The following GABRA5 variants were observed in gnomAD, a reference collection of about 807,000 sequenced individuals.
The protein encoded by GABRA5 is gamma-aminobutyric acid receptor subunit alpha-5.
A neutral mutation model predicts 47.3 loss-of-function variants in GABRA5; 18 were observed. The observed-to-expected ratio is 0.38, with a 90% CI of 0.26 to 0.56. The LOEUF (loss-of-function observed/expected upper bound fraction) is 0.56. GABRA5 is among the 20% of genes least tolerant of loss of function. The probability of loss-of-function intolerance (pLI) is 0.71; values close to 1 mark genes in which losing one functional copy is unlikely to be tolerated. For synonymous variants in GABRA5, 237 were observed against 229.3 expected (o/e 1.03, Z -0.30); for missense variants, 365 against 599.3 (o/e 0.61, Z 4.08).
intron 6 of GABRA5, among the ~76,000 whole-genome samples, chr15:26,913,723 A>G (rs1893653554): frequency 6.6e-6 from 1 of 152,168 alleles, no homozygotes; most frequent in South Asian, 2.1e-4. Context: ...TGGGCTCATT[A>G]ATAAAATTTA....
chr15:26,907,429 G>A (rs1270705259), intron 6 of GABRA5, among the ~76,000 whole-genome samples: 2 of 152,110 alleles, frequency 1.3e-5, no homozygotes, highest in Non-Finnish European at 2.9e-5. Context: ...CCCCATTCCT[G>A]CCCCGCAGCA....
At chr15:26,896,383 G>C (rs1037843321) in intron 6 of GABRA5, among the ~76,000 whole-genome samples, 2 of 152,124 alleles carry the variant, frequency 1.3e-5, no homozygotes, top group African/African-American at 4.8e-5. Flanking sequence ...GTCTGTGTCA[G>C]TCTCTCTCCC....
In GABRA5 at chr15:26,934,056, C is replaced by T. The variant is rs76488017; in HGVS notation, c.581-3129C>T. 0.01 allele frequency among the ~76,000 whole-genome samples: 1,523 copies of T among 151,886 alleles called. 108 individuals are homozygous for T. The East Asian group carries it at 0.18, about 18-fold the overall frequency. On this transcript the variant is annotated intron_variant, in intron 7 of 10. Transcript: ENST00000335625. Reference sequence around the variant, plus strand: ...TCGCTTGAGGCCAGGACTTCAAGACCAGCCTGGCCAACATGGCAAAACCCC... The same window carrying T: ...TCGCTTGAGGCCAGGACTTCAAGACTAGCCTGGCCAACATGGCAAAACCCC...
chr15:26,925,860 A>C (rs954137608), intron 7 of GABRA5, among the ~76,000 whole-genome samples: 3 of 152,206 alleles, frequency 2.0e-5, no homozygotes, highest in African/African-American at 4.8e-5. Flanking sequence ...TGTGGCAGGC[A>C]AGCCCTGAAA....
Position 26,883,304 on chromosome 15 carries a change from C to T in GABRA5, c.277-33C>T. 1 of 1,612,294 alleles carries T rather than the reference C, an allele frequency of 6.2e-7. No homozygotes were observed. Among genetic ancestry groups the T allele is most frequent in the Non-Finnish European group, 8.5e-7 (1 of 1,178,368 alleles). ...GCAGGCCCCCGCCCAGGCCCCGTGCCCTCTGACTGCCTCGTGCCTTCCTTT... is the reference window on the plus strand; with the variant it reads ...GCAGGCCCCCGCCCAGGCCCCGTGCTCTCTGACTGCCTCGTGCCTTCCTTT... On this transcript the variant is annotated intron_variant, in intron 5 of 10. Coordinates refer to ENST00000335625, the MANE Select transcript of GABRA5 (RefSeq NM_000810.4). This position sits in a 1 kb window ranked among gnomAD's most constrained non-coding sequence, Gnocchi z 4.8.
At chr15:26,885,367 T>C (rs896991963) in intron 6 of GABRA5, among the ~76,000 whole-genome samples, 3 of 151,984 alleles carry the variant, frequency 2.0e-5, no homozygotes, top group Non-Finnish European at 4.4e-5. Context: ...CTATCCTGTT[T>C]GAGCTTCAAA....
intron 6 of GABRA5, among the ~76,000 whole-genome samples, chr15:26,895,974 C>T (rs1365716619): frequency 6.6e-6 from 1 of 152,006 alleles, no homozygotes; most frequent in Non-Finnish European, 1.5e-5. Flanking sequence ...TGCCTCCATG[C>T]ACAGTGGTCC....
chr15:26,884,151 T>G (rs1162674699), intron 6 of GABRA5, among the ~76,000 whole-genome samples: 1 of 151,988 alleles, frequency 6.6e-6, no homozygotes, highest in East Asian at 1.9e-4. Flanking sequence ...ATTGTACCAC[T>G]GCGCTCCAGC....
At chr15:26,867,008 C>G (rs1383950794), upstream of GABRA5, 2 of 152,308 alleles carry the variant, frequency 1.3e-5, no homozygotes, top group African/African-American at 4.8e-5. The surrounding 1 kb of genome is among the most constrained non-coding windows in gnomAD (Gnocchi z 5.9). Context: ...CTCCGCCCAG[C>G]TCGGCCAAGG....
At chr15:26,872,710 A>G (rs774868337) in intron 3 of GABRA5, among the ~76,000 whole-genome samples, 45 of 152,332 alleles carry the variant, frequency 3.0e-4, no homozygotes, top group Admixed American at 1.2e-3. Flanking sequence ...GAGGCCAGAG[A>G]ACTGGCAGTG....
intron 7 of GABRA5, among the ~76,000 whole-genome samples, chr15:26,930,863 CTTCTT>C (rs1439604065): frequency 1.3e-5 from 2 of 148,260 alleles, no homozygotes; most frequent in Non-Finnish European, 1.5e-5. Context: ...TTTTCTTTCT[CTTCTT>C]TTCTTTTTTC....
chr15:26,900,737 G>T (rs1893307746), intron 6 of GABRA5, among the ~76,000 whole-genome samples: 1 of 151,792 alleles, frequency 6.6e-6, no homozygotes, highest in African/African-American at 2.4e-5. Flanking sequence ...TTACATTAGG[G>T]TTCACTCTTG....
chr15:26,942,071 G>A (rs4887572), intron 9 of GABRA5, among the ~76,000 whole-genome samples: 1 of 152,224 alleles, frequency 6.6e-6, no homozygotes, highest in Non-Finnish European at 1.5e-5. Flanking sequence ...GCAGGTGGAA[G>A]CTATGTGAAC....
intron 8 of GABRA5, 108 bp downstream of exon 8, chr15:26,937,436 C>G: frequency 1.4e-5 from 16 of 1,146,570 alleles, no homozygotes; most frequent in Non-Finnish European, 1.7e-5. Context: ...GGAGGCCGCA[C>G]AGCAGCCTCC....
intron 4 of GABRA5, among the ~76,000 whole-genome samples, chr15:26,881,466 G>A (rs989682253): frequency 2.6e-5 from 4 of 152,132 alleles, no homozygotes; most frequent in Non-Finnish European, 5.9e-5. Context: ...CATAGTCCTA[G>A]TATTTACTTT....
intron 7 of GABRA5, among the ~76,000 whole-genome samples, chr15:26,921,828 C>T (rs111833712): frequency 3.3e-5 from 5 of 152,048 alleles, no homozygotes; most frequent in African/African-American, 1.2e-4. Context: ...TCTAAATTTC[C>T]CTTAAGACTT....
At chr15:26,937,372 A>G (rs961910127) in intron 8 of GABRA5, 44 bp downstream of exon 8, 1 of 1,553,898 alleles carries the variant, frequency 6.4e-7, no homozygotes, top group Non-Finnish European at 8.7e-7. Flanking sequence ...CACTCAGGAC[A>G]CCACACCCTT....
At chr15:26,895,722 A>G (rs1345164460) in intron 6 of GABRA5, among the ~76,000 whole-genome samples, 1 of 151,230 alleles carries the variant, frequency 6.6e-6, no homozygotes, top group Non-Finnish European at 1.5e-5. Context: ...CGGAGGCAGG[A>G]GAATCGCTTG....
chr15:26,909,189 T>G (rs1333491921), intron 6 of GABRA5, among the ~76,000 whole-genome samples: 1 of 152,172 alleles, frequency 6.6e-6, no homozygotes. Context: ...GCCAGATTCC[T>G]TGGTTCATGG....
Sources: allele counts gnomAD v4.1 joint callset (sites outside exome capture counted in the v4.1 genomes callset), GRCh38; gene constraint gnomAD v4.1.1; non-coding constraint Gnocchi (gnomAD v3.1); transcripts MANE v1.5; gene names NCBI Gene and HGNC (gene_info 2026-07-23, HGNC 2026-07-21).